NOTO: variants seen among roughly 807,000 people sequenced by gnomAD.
NOTO encodes homeobox protein notochord.
Under a neutral mutation model 20.5 loss-of-function variants are expected in NOTO, and 19 were observed. The observed-to-expected ratio is 0.93, with a 90% CI of 0.65 to 1.36. The LOEUF (loss-of-function observed/expected upper bound fraction) is 1.36, where lower values mean the gene tolerates loss of function less well. NOTO is among the 40% of genes most tolerant of loss of function. NOTO has a pLI of 0.00. For synonymous variants in NOTO, 150 were observed against 150.2 expected (o/e 1.00, Z 0.01); for missense variants, 369 against 336.2 (o/e 1.10, Z -0.76).
At chr2:73,205,330 G>T (rs1558547182) in intron 1 of NOTO, among the ~76,000 whole-genome samples, 1 of 151,916 alleles carries the variant, frequency 6.6e-6, no homozygotes, top group Non-Finnish European at 1.5e-5. Flanking sequence ...GGGCAACATG[G>T]CAAAACCCCG....
At position 73,210,992 on chromosome 2, in the gene NOTO, A is replaced by G; in HGVS notation, c.*63A>G. The stretch of plus-strand genomic sequence containing the variant: ...AGTTCCTCCTGGGGGTACCCACTGG[A>G]GCTCCCTGCCTCACACCTCAACGAA... On this transcript the variant is annotated 3_prime_UTR_variant, in exon 3 of 3. Coordinates refer to ENST00000398468, the MANE Select transcript of NOTO (RefSeq NM_001134462.2). The G allele has an allele frequency of 1.4e-6, 2 of 1,395,060 alleles. No individual in the cohort carries two copies. Among genetic ancestry groups the G allele is most frequent in the Non-Finnish European group, 1.9e-6 (2 of 1,028,358 alleles). 86.4% of individuals were successfully genotyped at this position (1,395,060 alleles called of 1,614,324 possible). A position where few individuals can be genotyped will look rare whatever the true frequency, so the allele number is the denominator to read the frequency against.
chr2:73,211,002 C>A lies in NOTO; in HGVS notation c.*73C>A. On this transcript the variant is annotated 3_prime_UTR_variant, in exon 3 of 3. Coordinates refer to ENST00000398468, the MANE Select transcript of NOTO (RefSeq NM_001134462.2). Reference sequence around the variant, plus strand: ...GGGGGTACCCACTGGAGCTCCCTGCCTCACACCTCAACGAAAAGCCTCCTC... The same window carrying A: ...GGGGGTACCCACTGGAGCTCCCTGCATCACACCTCAACGAAAAGCCTCCTC... 7.8e-7 allele frequency: 1 copy of A among 1,289,904 alleles called. No homozygotes were observed. The highest frequency in any genetic ancestry group is 1.1e-6 in the Non-Finnish European group (1 of 945,126). The allele number at this position is 1,289,904 out of a possible 1,614,324, so 79.9% of individuals were successfully genotyped here. A position where few individuals can be genotyped will look rare whatever the true frequency, so the allele number is the denominator to read the frequency against.
chr2:73,203,479 G>T (rs1686036404), intron 1 of NOTO, among the ~76,000 whole-genome samples: 1 of 151,632 alleles, frequency 6.6e-6, no homozygotes, highest in African/African-American at 2.4e-5. Context: ...TTTTTTTACG[G>T]GGTAGGGGGA....
intron 1 of NOTO, among the ~76,000 whole-genome samples, chr2:73,204,098 CAA>C (rs1189040660): frequency 7.3e-5 from 2 of 27,378 alleles, no homozygotes; most frequent in African/African-American, 2.4e-4. Flanking sequence ...AACTCCGTCT[CAA>C]AAAAAAAAAA....
At chr2:73,210,655 TC>T in intron 2 of NOTO, 115 bp from the exon 3 acceptor site, 1 of 808,430 alleles carries the variant, frequency 1.2e-6, no homozygotes, top group Non-Finnish European at 1.9e-6. Flanking sequence ...AGGAGGTACC[TC>T]CCTGAGAAGG....
chr2:73,210,862 A>G lies in NOTO; in HGVS notation c.689A>G (p.Asp230Gly), dbSNP rs962610169. The G allele has an allele frequency of 1.9e-6, 3 of 1,551,560 alleles. No homozygotes were observed. The African/African-American group carries it at 4.1e-5, about 21-fold the overall frequency. The change falls in exon 3 of 3, where the codon GAT becomes GGT. Residue 230 changes from aspartate (D) to glycine (G), a missense_variant. Asp to Gly is a moderately conservative substitution (Grantham distance 94). Transcript: ENST00000398468. ...AVTSAEAASL[D>G]EPSSSSIASI... Reference sequence around the variant, plus strand: ...ACATCTGCCGAGGCTGCCTCCCTGGATGAGCCTTCCAGCAGCTCCATCGCC... The same window carrying G: ...ACATCTGCCGAGGCTGCCTCCCTGGGTGAGCCTTCCAGCAGCTCCATCGCC...
In NOTO at chr2:73,202,681, G is replaced by A. The variant is rs927821341; in HGVS notation, c.15G>A (p.Arg5=). The change falls in exon 1 of 3, where the codon AGG becomes AGA. Residue 5 remains arginine (R), a synonymous_variant. Transcript: ENST00000398468. The stretch of plus-strand genomic sequence containing the variant: ...ACGGCCGCGTCATGCCTAGCCCCAG[G>A]CCGCGAGGCAGCCCGCCACCCGCTC... MPSP[R]PRGSPPPAPS... is the part of the protein sequence containing the mutation. 1 of 1,494,826 alleles carries A rather than the reference G, an allele frequency of 6.7e-7. No homozygotes were observed. The highest frequency in any genetic ancestry group is 1.5e-5 in the African/African-American group (1 of 68,666). The allele number at this position is 1,494,826 out of a possible 1,614,324, so 92.6% of individuals were successfully genotyped here. A position where few individuals can be genotyped will look rare whatever the true frequency, so the allele number is the denominator to read the frequency against.
chr2:73,210,935 G>C lies in NOTO; in HGVS notation c.*6G>C. ...AGTCAGGAGTGGACGGCTGAAGACT[G>C]GGACAGAGGCCCTAGCCAGGCTGCC... On this transcript the variant is annotated 3_prime_UTR_variant, in exon 3 of 3. Transcript: ENST00000398468. The C allele has an allele frequency of 6.5e-7, 1 of 1,548,250 alleles. No individual in the cohort carries two copies.
At chr2:73,204,883 TTTTA>T (rs1206374811) in intron 1 of NOTO, among the ~76,000 whole-genome samples, 8,646 of 91,614 alleles carry the variant, frequency 0.094, 887 homozygotes, top group Non-Finnish European at 0.12. Context: ...TTTTTTATTT[TTTTA>T]TTTTTTTTTT....
Position 73,202,696 on chromosome 2 carries a change from G to T in NOTO, c.30G>T (p.Pro10=). The change falls in exon 1 of 3, where the codon CCG becomes CCT. Residue 10 remains proline, a synonymous_variant. Coordinates refer to ENST00000398468, the MANE Select transcript of NOTO (RefSeq NM_001134462.2). MPSPRPRGS[P]PPAPSGSRVR... ...CTAGCCCCAGGCCGCGAGGCAGCCC[G>T]CCACCCGCTCCCTCGGGCTCTCGGG... The T allele has an allele frequency of 6.6e-7, 1 of 1,508,130 alleles. No homozygotes were observed. Among genetic ancestry groups the T allele is most frequent in the Non-Finnish European group, 8.8e-7 (1 of 1,135,152 alleles). The allele number at this position is 1,508,130 out of a possible 1,614,324, so 93.4% of individuals were successfully genotyped here.
intron 1 of NOTO, among the ~76,000 whole-genome samples, chr2:73,204,869 A>ACTTTT: frequency 1.1e-5 from 1 of 94,912 alleles, no homozygotes; most frequent in Non-Finnish European, 2.0e-5. Context: ...ATGCCCGGCT[A>ACTTTT]ATTTTTTTTA....
chr2:73,204,293 C>CA (rs1157669401), intron 1 of NOTO, among the ~76,000 whole-genome samples: 9 of 151,754 alleles, frequency 5.9e-5, no homozygotes, highest in Non-Finnish European at 8.8e-5. Flanking sequence ...AACAAATCAA[C>CA]AAAAAAAAGT....
At position 73,202,847 on chromosome 2, in the gene NOTO, T is replaced by G; in HGVS notation, c.181T>G (p.Cys61Gly). 6.6e-7 allele frequency: 1 copy of G among 1,526,086 alleles called. No individual in the cohort carries two copies. Among genetic ancestry groups the G allele is most frequent in the Non-Finnish European group, 8.8e-7 (1 of 1,142,186 alleles). 94.5% of individuals were successfully genotyped at this position (1,526,086 alleles called of 1,614,324 possible). The change falls in exon 1 of 3, where the codon TGC (cysteine) becomes GGC (glycine). Residue 61 changes from cysteine to glycine, a missense_variant. By Grantham distance (159) the Cys-to-Gly change is radical (BLOSUM62 -3). Coordinates refer to ENST00000398468, the MANE Select transcript of NOTO (RefSeq NM_001134462.2). ...GGCCATCCTGGCGAGGCCCGACCCC[T>G]GCGCGCCGGCGGCCTCCCAGCCGTC... ...VEAILARPDP[C>G]APAASQPSGS...
rs1574336970 is a variant in NOTO, at chr2:73,211,628, C to G, written c.*699C>G. ...GGGACTATAGGCGCATGCCACCATG[C>G]CTGGCTAATTTTTATATTTTTAGTA... On this transcript the variant is annotated 3_prime_UTR_variant, in exon 3 of 3. Transcript: ENST00000398468. 6.6e-6 allele frequency: 1 copy of G among 152,330 alleles called. No individual in the cohort carries two copies. The highest frequency in any genetic ancestry group is 2.1e-4 in the South Asian group (1 of 4,828). The allele number at this position is 152,330 out of a possible 1,614,324, so 9.4% of individuals were successfully genotyped here. A position where few individuals can be genotyped will look rare whatever the true frequency, so the allele number is the denominator to read the frequency against.
Position 73,211,049 on chromosome 2 carries a change from C to A in NOTO, c.*120C>A. ...CCTCAACCAGAAGAATCTGAGCTGT[C>A]AAGCAGGGACCCCCTTTTCTATACT... is the stretch of plus-strand genomic sequence containing the variant. On this transcript the variant is annotated 3_prime_UTR_variant, in exon 3 of 3. Transcript: ENST00000398468. The A allele has an allele frequency of 1.4e-6, 1 of 738,866 alleles. No homozygotes were observed. Among genetic ancestry groups the A allele is most frequent in the Non-Finnish European group, 2.2e-6 (1 of 463,206 alleles). 45.8% of individuals were successfully genotyped at this position (738,866 alleles called of 1,614,324 possible).
At position 73,211,760 on chromosome 2, in the gene NOTO, C is replaced by T. The variant is rs28464603; in HGVS notation, c.*831C>T. 14,083 of 152,310 alleles carry T rather than the reference C, an allele frequency of 0.092. 825 individuals are homozygous for T. The highest frequency in any genetic ancestry group is 0.17 in the African/African-American group (6,870 of 41,510). 9.4% of individuals were successfully genotyped at this position (152,310 alleles called of 1,614,324 possible). On this transcript the variant is annotated 3_prime_UTR_variant, in exon 3 of 3. Coordinates refer to ENST00000398468, the MANE Select transcript of NOTO (RefSeq NM_001134462.2). The stretch of plus-strand genomic sequence containing the variant: ...GGGATTACATGTGTGAGCCACCACC[C>T]GGCCCAACCCTGCCCTTTTTGTTTT...
At chr2:73,203,394 A>T (rs1175260963) in intron 1 of NOTO, among the ~76,000 whole-genome samples, 1 of 151,550 alleles carries the variant, frequency 6.6e-6, no homozygotes, top group African/African-American at 2.4e-5. Flanking sequence ...ACTCCCTCGC[A>T]CACCCCGGGG....
At chr2:73,204,204 G>C (rs962723028) in intron 1 of NOTO, among the ~76,000 whole-genome samples, 144 of 152,238 alleles carry the variant, frequency 9.5e-4, no homozygotes, top group African/African-American at 3.2e-3. Context: ...CTTGAACCCG[G>C]GAGGTTGAGG....
intron 2 of NOTO, among the ~76,000 whole-genome samples, chr2:73,209,233 T>C (rs7600966): frequency 0.32 from 47,267 of 149,326 alleles, 7,749 homozygotes; most frequent in African/African-American, 0.42. Flanking sequence ...AAAGAGTCAA[T>C]ATAATCAATA....
Sources: allele counts gnomAD v4.1 joint callset (sites outside exome capture counted in the v4.1 genomes callset), GRCh38; gene constraint gnomAD v4.1.1; transcripts MANE v1.5; gene names NCBI Gene and HGNC (gene_info 2026-07-23, HGNC 2026-07-21).